Variants in CDH13 observed in about 807,000 individuals in gnomAD.
CDH13 encodes cadherin-13.
CDH13 carries 24 observed loss-of-function variants against 63.8 expected under a neutral mutation model. The ratio of observed to expected loss-of-function variants is 0.38; its 90% CI spans 0.27 to 0.53. The LOEUF (loss-of-function observed/expected upper bound fraction) is 0.53. Ranked by LOEUF, CDH13 falls within the 20% of genes least tolerant of loss-of-function variation. The pLI, the probability that CDH13 is intolerant of heterozygous loss-of-function variation, is 0.85. For missense variants in CDH13, 1,049 were observed against 903.1 expected (o/e 1.16, Z -2.07); for synonymous variants, 503 against 355.3 (o/e 1.42, Z -4.67).
chr16:83,500,353 C>T (rs373307524), intron 7 of CDH13, among the ~76,000 whole-genome samples: 97 of 368 alleles, frequency 0.26, 47 homozygotes, highest in East Asian at 1. Context: ...TCCTCCTCCT[C>T]CTTCTTCCTT....
chr16:82,932,276 C>A (rs1319870782), intron 2 of CDH13, among the ~76,000 whole-genome samples: 1 of 152,136 alleles, frequency 6.6e-6, no homozygotes, highest in Non-Finnish European at 1.5e-5. Context: ...ATCTGAGATT[C>A]AAATGTAGCT....
At chr16:82,720,084 A>G (rs554697282) in intron 1 of CDH13, among the ~76,000 whole-genome samples, 1 of 152,324 alleles carries the variant, frequency 6.6e-6, no homozygotes, top group Admixed American at 6.5e-5. Context: ...TGAAATAAAG[A>G]TGAGCTATAC....
chr16:82,742,978 G>C (rs1406136080), intron 1 of CDH13, among the ~76,000 whole-genome samples: 1 of 151,938 alleles, frequency 6.6e-6, no homozygotes, highest in Non-Finnish European at 1.5e-5. Context: ...TACATATTTA[G>C]AAAAAAATTA....
intron 3 of CDH13, among the ~76,000 whole-genome samples, chr16:83,061,901 G>A (rs1179987018): frequency 6.6e-6 from 1 of 152,214 alleles, no homozygotes; most frequent in Non-Finnish European, 1.5e-5. Flanking sequence ...AATAGTCCAG[G>A]AGATGCTTAC....
At chr16:83,508,119 A>AAAAGGAAGGGAGGG (rs2074458428) in intron 7 of CDH13, among the ~76,000 whole-genome samples, 1 of 75,492 alleles carries the variant, frequency 1.3e-5, no homozygotes, top group East Asian at 7.1e-4. Context: ...AAAAGGAAGG[A>AAAAGGAAGGGAGGG]AGGGAGGAAG....
At chr16:83,789,164 C>T (rs6563981) in intron 13 of CDH13, among the ~76,000 whole-genome samples, 4,118 of 152,158 alleles carry the variant, frequency 0.027, 94 homozygotes, top group Non-Finnish European at 0.038. Context: ...AACAGGTAAC[C>T]ACCAGTGCCC....
intron 1 of CDH13, among the ~76,000 whole-genome samples, chr16:82,663,517 T>A (rs186716009): frequency 2.5e-4 from 37 of 150,848 alleles, no homozygotes; most frequent in African/African-American, 9.0e-4. Context: ...CCCCTGTATG[T>A]CTCCTAGTGA....
At position 82,809,511 on chromosome 16, in the gene CDH13, A is replaced by C. The variant is rs144374938; in HGVS notation, c.46-48851A>C. Among the ~76,000 whole-genome samples the C allele has an allele frequency of 1.9e-4, 29 of 152,262 alleles. No individual in the cohort carries two copies. The East Asian group carries it at 4.6e-3, about 24-fold the overall frequency. ...GGCTGAGCAGCTTCTTTAAGCGTGT[A>C]AGTGATGACGCTCAAATCTATCAGA... On this transcript the variant is annotated intron_variant, in intron 1 of 13. Coordinates refer to ENST00000567109, the MANE Select transcript of CDH13 (RefSeq NM_001257.5).
At chr16:82,912,611 G>C (rs1382781166) in intron 2 of CDH13, among the ~76,000 whole-genome samples, 1 of 152,220 alleles carries the variant, frequency 6.6e-6, no homozygotes, top group African/African-American at 2.4e-5. Context: ...TAGGGAGGAA[G>C]AAACAACTAA....
intron 2 of CDH13, among the ~76,000 whole-genome samples, chr16:82,903,653 C>T (rs2041544637): frequency 6.6e-6 from 1 of 152,182 alleles, no homozygotes; most frequent in African/African-American, 2.4e-5. Flanking sequence ...AAACTTTCTA[C>T]TTGGAATCAG....
intron 2 of CDH13, among the ~76,000 whole-genome samples, chr16:82,895,186 C>T (rs2041210757): frequency 6.6e-6 from 1 of 152,204 alleles, no homozygotes; most frequent in Non-Finnish European, 1.5e-5. Flanking sequence ...AGCTCATACT[C>T]ATTAAGCAGC....
intron 2 of CDH13, among the ~76,000 whole-genome samples, chr16:82,898,314 C>T (rs1053626848): frequency 4.6e-5 from 7 of 152,136 alleles, no homozygotes; most frequent in African/African-American, 1.7e-4. Flanking sequence ...CACCCGAGAT[C>T]AGGAGTCTGA....
intron 2 of CDH13, among the ~76,000 whole-genome samples, chr16:82,951,011 C>T (rs1449058399): frequency 6.6e-6 from 1 of 152,126 alleles, no homozygotes; most frequent in African/African-American, 2.4e-5. Context: ...ATTTCTGTGT[C>T]CTGAATTTCA....
At chr16:82,999,091 C>T (rs77752383) in intron 2 of CDH13, among the ~76,000 whole-genome samples, 1,682 of 152,216 alleles carry the variant, frequency 0.011, 29 homozygotes, top group African/African-American at 0.039. Context: ...TGAAGTCCAT[C>T]GCTCTGGTGA....
chr16:82,746,735 C>G lies in CDH13; in HGVS notation c.46-111627C>G, dbSNP rs7202684. Among the ~76,000 whole-genome samples, 855 of 151,780 alleles carry G rather than the reference C, an allele frequency of 5.6e-3. 7 individuals carry two copies. The highest frequency in any genetic ancestry group is 0.02 in the Middle Eastern group (6 of 294). On this transcript the variant is annotated intron_variant, in intron 1 of 13. Coordinates refer to ENST00000567109, the MANE Select transcript of CDH13 (RefSeq NM_001257.5). Reference sequence around the variant, plus strand: ...CTAGAAAAAATTCCCAAACTGATTTCTTAAAATTTTTACTTGAAAAAAATT... The same window carrying G: ...CTAGAAAAAATTCCCAAACTGATTTGTTAAAATTTTTACTTGAAAAAAATT...
intron 3 of CDH13, among the ~76,000 whole-genome samples, chr16:83,076,213 G>C (rs1481925452): frequency 1.3e-5 from 2 of 152,158 alleles, no homozygotes; most frequent in Non-Finnish European, 2.9e-5. Context: ...AAGAGCTTTT[G>C]AGCATTGTTT....
At chr16:83,427,478 T>G (rs185501908) in intron 6 of CDH13, among the ~76,000 whole-genome samples, 3 of 152,124 alleles carry the variant, frequency 2.0e-5, no homozygotes, top group African/African-American at 7.2e-5. Flanking sequence ...CTCCTGAAGG[T>G]ACCAGCCCCA....
At chr16:83,522,261 A>G (rs111563996) in intron 7 of CDH13, among the ~76,000 whole-genome samples, 1 of 152,192 alleles carries the variant, frequency 6.6e-6, no homozygotes, top group Non-Finnish European at 1.5e-5. Context: ...GGTCCATTAT[A>G]ATGGATCACG....
intron 2 of CDH13, among the ~76,000 whole-genome samples, chr16:82,865,970 G>T (rs934111346): frequency 6.6e-6 from 1 of 152,124 alleles, no homozygotes; most frequent in African/African-American, 2.4e-5. Context: ...TTGCTGCTTA[G>T]AAATTTCTTC....
Sources: gnomAD v4.1 joint callset for allele counts (sites outside exome capture counted in the v4.1 genomes callset) on GRCh38, gnomAD v4.1.1 for gene constraint, MANE v1.5 for transcripts, NCBI Gene and HGNC (gene_info 2026-07-23, HGNC 2026-07-21) for gene names.